Variants in SPIDR observed in about 807,000 individuals in gnomAD.
The protein encoded by SPIDR is scaffold protein involved in DNA repair.
Under a neutral mutation model 104.6 loss-of-function variants are expected in SPIDR, and 93 were observed. The observed-to-expected ratio is 0.89, with a 90% CI of 0.75 to 1.06. The LOEUF is 1.06. Ranked by LOEUF, SPIDR falls within the 50% of genes least tolerant of loss-of-function variation. SPIDR has a pLI of 0.00. For missense variants in SPIDR, 1,154 were observed against 1,111.2 expected (o/e 1.04, Z -0.55); for synonymous variants, 431 against 416.9 (o/e 1.03, Z -0.41).
At chr8:47,669,271 T>G (rs953992248) in intron 10 of SPIDR, among the ~76,000 whole-genome samples, 1 of 152,212 alleles carries the variant, frequency 6.6e-6, no homozygotes, top group Non-Finnish European at 1.5e-5. Flanking sequence ...TTTTAGGAGA[T>G]AGCGTTTCAC....
intron 8 of SPIDR, among the ~76,000 whole-genome samples, chr8:47,530,651 A>G (rs188797147): frequency 7.9e-5 from 12 of 152,276 alleles, no homozygotes; most frequent in Non-Finnish European, 1.2e-4. Flanking sequence ...ATGTGAAGGT[A>G]TAGAACATTA....
intron 10 of SPIDR, among the ~76,000 whole-genome samples, chr8:47,601,585 T>C (rs929129600): frequency 6.6e-6 from 1 of 152,150 alleles, no homozygotes; most frequent in Non-Finnish European, 1.5e-5. Context: ...TCCCAGCTAC[T>C]CTGGAGACTG....
intron 5 of SPIDR, among the ~76,000 whole-genome samples, chr8:47,311,593 G>T (rs1210286719): frequency 6.6e-6 from 1 of 152,106 alleles, no homozygotes; most frequent in Admixed American, 6.5e-5. Context: ...CCAAAGAGGG[G>T]TATTGCTTGA....
intron 10 of SPIDR, among the ~76,000 whole-genome samples, chr8:47,617,488 T>G (rs952416406): frequency 6.6e-6 from 1 of 152,222 alleles, no homozygotes; most frequent in African/African-American, 2.4e-5. Flanking sequence ...TGGATAAATA[T>G]ATCAGATTGT....
At chr8:47,275,884 C>T (rs2154217937) in intron 1 of SPIDR, among the ~76,000 whole-genome samples, 1 of 152,128 alleles carries the variant, frequency 6.6e-6, no homozygotes, top group African/African-American at 2.4e-5. Context: ...GAGACTGGAA[C>T]TTATTTCTGT....
At chr8:47,294,697 C>T (rs1009277594) in intron 5 of SPIDR, among the ~76,000 whole-genome samples, 5 of 152,170 alleles carry the variant, frequency 3.3e-5, no homozygotes, top group Admixed American at 6.5e-5. Flanking sequence ...ATGGTGCGAT[C>T]GTAGCTCACT....
intron 5 of SPIDR, among the ~76,000 whole-genome samples, chr8:47,299,818 A>C (rs1483270073): frequency 6.6e-6 from 1 of 152,136 alleles, no homozygotes; most frequent in Non-Finnish European, 1.5e-5. Flanking sequence ...ATCATGGTGG[A>C]TAAGGTTTTT....
intron 8 of SPIDR, among the ~76,000 whole-genome samples, chr8:47,462,290 G>A (rs951121009): frequency 1.3e-5 from 2 of 152,154 alleles, no homozygotes; most frequent in Admixed American, 1.3e-4. Flanking sequence ...CTCTGCCAAC[G>A]ATACCAACAC....
chr8:47,328,159 G>T (rs1308534262), intron 5 of SPIDR, among the ~76,000 whole-genome samples: 3 of 151,878 alleles, frequency 2.0e-5, no homozygotes, highest in Admixed American at 6.6e-5. Context: ...CGATCATGAA[G>T]ATCTATTATC....
chr8:47,509,131 C>T (rs1033346731), intron 8 of SPIDR, among the ~76,000 whole-genome samples: 1 of 152,184 alleles, frequency 6.6e-6, no homozygotes, highest in African/African-American at 2.4e-5. Flanking sequence ...GCCCTACAGA[C>T]CCTCTCATTA....
Position 47,736,173 on chromosome 8 carries a change from T to C in SPIDR, c.*723T>C, listed in dbSNP as rs2086217572. On this transcript the variant is annotated 3_prime_UTR_variant, in exon 20 of 20. Transcript: ENST00000297423. ...GATTTAAACCAAGAATTAATTATCTTTGGACACTATAAAGATTTTGTTCCC... is the reference window on the plus strand; with the variant it reads ...GATTTAAACCAAGAATTAATTATCTCTGGACACTATAAAGATTTTGTTCCC... 6.5e-6 allele frequency: 1 copy of C among 153,824 alleles called. No homozygotes were observed. The highest frequency in any genetic ancestry group is 2.0e-4 in the South Asian group (1 of 4,970). The allele number at this position is 153,824 out of a possible 1,614,324, so 9.5% of individuals were successfully genotyped here. A position where few individuals can be genotyped will look rare whatever the true frequency, so the allele number is the denominator to read the frequency against.
chr8:47,560,523 C>T (rs1348291413), intron 8 of SPIDR, among the ~76,000 whole-genome samples: 2 of 152,174 alleles, frequency 1.3e-5, no homozygotes, highest in Non-Finnish European at 2.9e-5. Flanking sequence ...ACTGTAGAAG[C>T]ACTCCACCAG....
Position 47,721,171 on chromosome 8 carries a change from A to C in SPIDR, c.2342-6029A>C, listed in dbSNP as rs926980523. On this transcript the variant is annotated intron_variant, in intron 16 of 19. Transcript: ENST00000297423. Reference sequence around the variant, plus strand: ...TTTCTGGTGTTACATCTAAAAACTCATTGTAAAACCCATGATCATCTAGAT... The same window carrying C: ...TTTCTGGTGTTACATCTAAAAACTCCTTGTAAAACCCATGATCATCTAGAT... Among the ~76,000 whole-genome samples, 3 of 152,228 alleles carry C rather than the reference A, an allele frequency of 2.0e-5. No individual in the cohort carries two copies. In the East Asian group the frequency reaches 5.8e-4, roughly 29 times the overall value.
At chr8:47,403,185 G>T (rs1162948866) in intron 6 of SPIDR, among the ~76,000 whole-genome samples, 8 of 152,092 alleles carry the variant, frequency 5.3e-5, no homozygotes, top group African/African-American at 1.9e-4. Flanking sequence ...CAATAAATTA[G>T]GTATATATCG....
intron 16 of SPIDR, among the ~76,000 whole-genome samples, chr8:47,719,947 A>T (rs2083161601): frequency 6.6e-6 from 1 of 152,172 alleles, no homozygotes; most frequent in Non-Finnish European, 1.5e-5. Flanking sequence ...ACCATGTACT[A>T]CCGTTACCAT....
At chr8:47,706,637 G>A (rs1285722198) in intron 14 of SPIDR, among the ~76,000 whole-genome samples, 5 of 152,028 alleles carry the variant, frequency 3.3e-5, no homozygotes, top group Non-Finnish European at 7.4e-5. Context: ...CATCCCTAGC[G>A]CTGGCAACCA....
chr8:47,614,366 C>A (rs1017459392), intron 10 of SPIDR, among the ~76,000 whole-genome samples: 1 of 152,090 alleles, frequency 6.6e-6, no homozygotes, highest in Non-Finnish European at 1.5e-5. Context: ...GGACTACAGA[C>A]GTGCACCACA....
intron 10 of SPIDR, among the ~76,000 whole-genome samples, chr8:47,652,384 C>T (rs189238675): frequency 3.0e-4 from 45 of 152,204 alleles, no homozygotes; most frequent in African/African-American, 1.1e-3. Context: ...TGCTGGGCAC[C>T]CAGGTCCAGT....
intron 5 of SPIDR, among the ~76,000 whole-genome samples, chr8:47,371,901 CT>C (rs1474434532): frequency 6.6e-6 from 1 of 152,146 alleles, no homozygotes; most frequent in Non-Finnish European, 1.5e-5. Flanking sequence ...TATTTGTCCC[CT>C]GGTTCTGCCG....
Sources: allele counts gnomAD v4.1 joint callset (sites outside exome capture counted in the v4.1 genomes callset), GRCh38; gene constraint gnomAD v4.1.1; transcripts MANE v1.5; gene names NCBI Gene and HGNC (gene_info 2026-07-23, HGNC 2026-07-21).